Variants in KIAA0319 observed in about 807,000 individuals in gnomAD.
KIAA0319 encodes the protein KIAA0319.
In KIAA0319, 83 loss-of-function variants were observed where a neutral mutation model predicts 108.4. The ratio of observed to expected loss-of-function variants is 0.77; its 90% confidence interval spans 0.64 to 0.92. The LOEUF is 0.92. KIAA0319 is among the 40% of genes least tolerant of loss of function. KIAA0319 has a pLI of 0.00. For missense variants in KIAA0319, 1,195 were observed against 1,322.4 expected, an observed-to-expected ratio of 0.90 and a Z score of 1.49; for synonymous variants, 484 against 510.4, an observed-to-expected ratio of 0.95 and a Z score of 0.70.
chr6:24,609,597 C>T (rs1005114480), intron 1 of KIAA0319, among the ~76,000 whole-genome samples: 3 of 151,648 alleles, frequency 2.0e-5, no homozygotes, highest in Admixed American at 2.0e-4. Flanking sequence ...AACAAACAAA[C>T]AAACAAAAAT....
chr6:24,572,001 C>T lies in KIAA0319; in HGVS notation c.1858+574G>A, dbSNP rs535631068. Reference sequence around the variant, plus strand: ...ACATCCCAGGGTCTAACTAATAGAACTTTTTATGTATTAGCGGCATAAATA... The same window carrying T: ...ACATCCCAGGGTCTAACTAATAGAATTTTTTATGTATTAGCGGCATAAATA... On this transcript the variant is annotated intron_variant, in intron 11 of 20. Transcript: ENST00000378214. Among the ~76,000 whole-genome samples the T allele has an allele frequency of 3.3e-5, 5 of 152,326 alleles. No individual in the cohort carries two copies. In the South Asian group the frequency reaches 1.0e-3, roughly 32 times the overall value.
At chr6:24,601,514 A>C (rs1368424036) in intron 1 of KIAA0319, among the ~76,000 whole-genome samples, 1 of 152,228 alleles carries the variant, frequency 6.6e-6, no homozygotes, top group East Asian at 1.9e-4. Context: ...AGCCACCATC[A>C]CTTGTTTTTG....
chr6:24,584,813 G>T (rs1767196897), intron 4 of KIAA0319, among the ~76,000 whole-genome samples: 4 of 152,148 alleles, frequency 2.6e-5, no homozygotes, highest in Admixed American at 2.6e-4. Context: ...ACTGTGCCAG[G>T]CATTGCCCCA....
At chr6:24,592,999 TA>T (rs936790325) in intron 3 of KIAA0319, among the ~76,000 whole-genome samples, 83 of 151,160 alleles carry the variant, frequency 5.5e-4, no homozygotes, top group Non-Finnish European at 1.0e-3. Flanking sequence ...TAAAAATAAA[TA>T]AAAAAAAACA....
intron 1 of KIAA0319, among the ~76,000 whole-genome samples, chr6:24,608,499 G>T (rs935968949): frequency 2.1e-4 from 32 of 151,958 alleles, no homozygotes; most frequent in Admixed American, 3.9e-4. Context: ...GGGAAAACTG[G>T]TCCTACCATA....
At chr6:24,583,047 A>C (rs752064219) in intron 5 of KIAA0319, 113 of 981,802 alleles carry the variant, frequency 1.2e-4, no homozygotes, top group Non-Finnish European at 1.4e-4. Flanking sequence ...CAAACACCTT[A>C]AGAATGAGTT....
downstream of KIAA0319, among the ~76,000 whole-genome samples, chr6:24,542,663 C>T (rs940566855): frequency 4.6e-5 from 7 of 152,278 alleles, no homozygotes; most frequent in African/African-American, 9.6e-5. Context: ...TGCAGTGAGC[C>T]GTGATGGTGC....
At chr6:24,630,683 G>GTATATA (rs563881076) in intron 1 of KIAA0319, among the ~76,000 whole-genome samples, 8 of 100,694 alleles carry the variant, frequency 7.9e-5, no homozygotes, top group African/African-American at 2.4e-4. Flanking sequence ...GTGTATATGT[G>GTATATA]TATATATATA....
rs1760488981 is a variant in KIAA0319, at chr6:24,545,298, A to G, written c.*1867T>C. The G allele has an allele frequency of 1.3e-5, 2 of 152,214 alleles. No homozygotes were observed. The highest frequency in any genetic ancestry group is 2.9e-5 in the Non-Finnish European group (2 of 68,046). The allele number at this position is 152,214 out of a possible 1,614,324, so 9.4% of individuals were successfully genotyped here. On this transcript the variant is annotated 3_prime_UTR_variant, in exon 21 of 21. Transcript: ENST00000378214. ...TCAGAGGGCTATCTGCAACATAAGA[A>G]TGATAGTATCTCCTCTTCAAGGTTG... is the stretch of plus-strand genomic sequence containing the variant.
chr6:24,569,853 A>G (rs897116210), intron 12 of KIAA0319, 50 bp downstream of exon 12: 1 of 1,594,266 alleles, frequency 6.3e-7, no homozygotes, highest in Non-Finnish European at 8.6e-7. Flanking sequence ...AAGGGATAAT[A>G]TTAGCATTCA....
At chr6:24,595,546 C>CAAAAAAAAAA (rs60291863) in intron 3 of KIAA0319, among the ~76,000 whole-genome samples, 1 of 43,260 alleles carries the variant, frequency 2.3e-5, no homozygotes, top group African/African-American at 8.6e-5. Flanking sequence ...GATTCAATCT[C>CAAAAAAAAAA]AAAAAAAAAA....
chr6:24,645,715 T>G (rs2038137), intron 1 of KIAA0319, 21 bp downstream of exon 1: 104,463 of 151,480 alleles, frequency 0.69, 36,696 homozygotes, highest in East Asian at 0.87. Context: ...GGCCAGGCGC[T>G]CTGGGAAGTA....
At chr6:24,547,988 G>A (rs969394832) in intron 20 of KIAA0319, among the ~76,000 whole-genome samples, 1 of 152,040 alleles carries the variant, frequency 6.6e-6, no homozygotes, top group Admixed American at 6.6e-5. Flanking sequence ...AACTATGATC[G>A]TGTTGCTATG....
At chr6:24,572,952 C>T (rs995887235) in intron 10 of KIAA0319, among the ~76,000 whole-genome samples, 3 of 152,020 alleles carry the variant, frequency 2.0e-5, no homozygotes, top group Non-Finnish European at 4.4e-5. Flanking sequence ...CCCGTCTCTA[C>T]TAAAAATATA....
intron 19 of KIAA0319, among the ~76,000 whole-genome samples, 178 bp downstream of exon 19, chr6:24,554,362 CA>C (rs1233930500): frequency 6.6e-6 from 1 of 152,214 alleles, no homozygotes; most frequent in Non-Finnish European, 1.5e-5. Context: ...ACAAGAGCTG[CA>C]ATGAGAAAAA....
At chr6:24,553,290 T>TACACACAC (rs1286709525) in intron 19 of KIAA0319, among the ~76,000 whole-genome samples, 2 of 80,650 alleles carry the variant, frequency 2.5e-5, no homozygotes, top group Admixed American at 1.1e-4. Context: ...TATATATATA[T>TACACACAC]ATATACACAC....
chr6:24,611,149 T>C (rs1272279642), intron 1 of KIAA0319, among the ~76,000 whole-genome samples: 1 of 150,182 alleles, frequency 6.7e-6, no homozygotes, highest in Non-Finnish European at 1.5e-5. Flanking sequence ...AAATGGGGAG[T>C]AAATTATAAG....
intron 1 of KIAA0319, among the ~76,000 whole-genome samples, chr6:24,629,514 C>CAAAAAAGAAAA (rs1775216580): frequency 2.4e-5 from 1 of 42,412 alleles, no homozygotes; most frequent in African/African-American, 1.1e-4. Flanking sequence ...GACTCTGTCT[C>CAAAAAAGAAAA]AAAAAAAAAA....
intron 1 of KIAA0319, among the ~76,000 whole-genome samples, chr6:24,643,709 C>T (rs1172857589): frequency 6.6e-6 from 1 of 152,104 alleles, no homozygotes; most frequent in African/African-American, 2.4e-5. Context: ...AAAAATATTT[C>T]CTGAAAAAGA....
Sources: allele counts gnomAD v4.1 joint callset (sites outside exome capture counted in the v4.1 genomes callset), GRCh38; gene constraint gnomAD v4.1.1; transcripts MANE v1.5; gene names NCBI Gene and HGNC (gene_info 2026-07-23, HGNC 2026-07-21).